The following LRP1B variants were observed in gnomAD, a reference collection of about 807,000 sequenced individuals.
LRP1B encodes the protein low-density lipoprotein receptor-related protein 1B.
Under a neutral mutation model 556.6 loss-of-function variants are expected in LRP1B, and 217 were observed. The ratio of observed to expected loss-of-function variants is 0.39; its 90% CI spans 0.35 to 0.44. The LOEUF (loss-of-function observed/expected upper bound fraction) is 0.44. Ranked by LOEUF, LRP1B falls within the 20% of genes least tolerant of loss-of-function variation. The probability of loss-of-function intolerance (pLI) is 1.00; values close to 1 mark genes in which losing one functional copy is unlikely to be tolerated. For synonymous variants in LRP1B, 2,047 were observed against 1,865.8 expected (o/e 1.10, Z -2.50); for missense variants, 5,053 against 5,620.8 (o/e 0.90, Z 3.23).
In LRP1B at chr2:140,700,607, C is replaced by T. The variant is rs1395134356; in HGVS notation, c.6442G>A (p.Ala2148Thr). ...TGCTTACAGCCACCATTGTCCCTGG[C>T]ACAAACATTGGTCCCTAATGAAGAA... ...RVREKGTNVC[A>T]RDNGGCKQLC... Residue 2148 changes from alanine to threonine, a missense_variant, in exon 41 of 91, where the codon GCC becomes ACC. Transcript: ENST00000389484. The T allele has an allele frequency of 3.1e-6, 5 of 1,613,458 alleles. No individual in the cohort carries two copies. Among genetic ancestry groups the T allele is most frequent in the Non-Finnish European group, 4.2e-6 (5 of 1,179,560 alleles).
chr2:142,018,932 G>A lies in LRP1B; in HGVS notation c.82+111716C>T, dbSNP rs140032774. ...TAAAGATCTTGAATTTAATTAAAAC[G>A]CACAGTAAAATTCAAATTAAGTTAT... is the stretch of plus-strand genomic sequence containing the variant. On this transcript the variant is annotated intron_variant, in intron 1 of 90. Coordinates refer to ENST00000389484, the MANE Select transcript of LRP1B (RefSeq NM_018557.3). 6.2e-3 allele frequency among the ~76,000 whole-genome samples: 944 copies of A among 151,982 alleles called. 7 individuals carry two copies. Among genetic ancestry groups the A allele is most frequent in the African/African-American group, 0.021 (855 of 41,472 alleles).
intron 41 of LRP1B, among the ~76,000 whole-genome samples, chr2:140,636,050 T>C (rs1343850268): frequency 3.3e-5 from 5 of 152,142 alleles, no homozygotes; most frequent in Admixed American, 1.3e-4. Flanking sequence ...CACAGACCCA[T>C]TGTCAGAAGC....
chr2:141,294,972 CCA>C (rs1241931260), intron 3 of LRP1B, among the ~76,000 whole-genome samples: 1 of 151,856 alleles, frequency 6.6e-6, no homozygotes, highest in Non-Finnish European at 1.5e-5. Flanking sequence ...TAAGTGATTT[CCA>C]CACTTTTCTA....
intron 2 of LRP1B, among the ~76,000 whole-genome samples, chr2:141,575,531 A>G (rs1316242477): frequency 6.6e-6 from 1 of 152,346 alleles, no homozygotes; most frequent in South Asian, 2.1e-4. Context: ...CATTCAGGAC[A>G]CAGGCATGGG....
At chr2:141,407,000 A>G (rs1026982978) in intron 3 of LRP1B, among the ~76,000 whole-genome samples, 2 of 152,134 alleles carry the variant, frequency 1.3e-5, no homozygotes, top group Non-Finnish European at 2.9e-5. Flanking sequence ...AATCTTTTTC[A>G]AAAAGGATCA....
chr2:141,431,142 A>AAAATAAATAAATAACTAAAT (rs1553514225), intron 3 of LRP1B, among the ~76,000 whole-genome samples: 1 of 148,180 alleles, frequency 6.7e-6, no homozygotes, highest in East Asian at 2.0e-4. Flanking sequence ...TCAAAAAATC[A>AAAATAAATAAATAACTAAAT]AAATAAATAA....
At chr2:141,242,490 G>A (rs762239325) in intron 5 of LRP1B, among the ~76,000 whole-genome samples, 1 of 151,884 alleles carries the variant, frequency 6.6e-6, no homozygotes, top group Non-Finnish European at 1.5e-5. Context: ...ATTATACAGG[G>A]ACTACAATTC....
intron 11 of LRP1B, among the ~76,000 whole-genome samples, chr2:141,026,895 T>C (rs1698232450): frequency 6.6e-6 from 1 of 152,058 alleles, no homozygotes; most frequent in African/African-American, 2.4e-5. Context: ...CTACAAATAA[T>C]GAAACAAAGA....
At chr2:140,538,036 A>T (rs1289475992) in intron 45 of LRP1B, among the ~76,000 whole-genome samples, 1 of 152,096 alleles carries the variant, frequency 6.6e-6, no homozygotes, top group Admixed American at 6.6e-5. Flanking sequence ...GAATTCATTC[A>T]TCTCTGCTAA....
rs148439887 is a variant in LRP1B at position 140,448,639 on chromosome 2, C to T, written c.10057+1929G>A. On this transcript the variant is annotated intron_variant, in intron 63 of 90. Transcript: ENST00000389484. ...TTAGGAAGACATTGTTCAAAAGACA[C>T]AAAATTTCAGTTAGGGATGGAAAAA... Among the ~76,000 whole-genome samples, 372 of 152,090 alleles carry T rather than the reference C, an allele frequency of 2.4e-3. 2 individuals carry two copies. Among genetic ancestry groups the T allele is most frequent in the African/African-American group, 8.5e-3 (354 of 41,520 alleles).
At chr2:140,798,508 G>A (rs1204761552) in intron 32 of LRP1B, among the ~76,000 whole-genome samples, 4 of 151,996 alleles carry the variant, frequency 2.6e-5, no homozygotes, top group Non-Finnish European at 5.9e-5. Flanking sequence ...TTGTAATGAT[G>A]GGCCCAGAGT....
intron 2 of LRP1B, among the ~76,000 whole-genome samples, chr2:141,759,149 C>T (rs1406964116): frequency 2.0e-5 from 3 of 151,980 alleles, no homozygotes; most frequent in Non-Finnish European, 4.4e-5. Context: ...AATCTATAGA[C>T]TATAGACTTT....
intron 32 of LRP1B, among the ~76,000 whole-genome samples, chr2:140,803,845 G>T (rs1430267355): frequency 2.7e-5 from 4 of 150,912 alleles, no homozygotes; most frequent in Non-Finnish European, 4.4e-5. Flanking sequence ...TCTCATAAAG[G>T]AAAGAAATAA....
intron 43 of LRP1B, among the ~76,000 whole-genome samples, chr2:140,572,709 G>C (rs1038925549): frequency 6.6e-6 from 1 of 151,110 alleles, no homozygotes; most frequent in African/African-American, 2.4e-5. Context: ...CACAATAGCC[G>C]AAATACAGAA....
intron 2 of LRP1B, among the ~76,000 whole-genome samples, chr2:141,733,626 A>G (rs1055110765): frequency 2.0e-5 from 3 of 152,082 alleles, no homozygotes; most frequent in African/African-American, 7.2e-5. Context: ...TGATCCATCT[A>G]TTGCTTACGT....
At chr2:141,323,389 A>T (rs1274125957) in intron 3 of LRP1B, among the ~76,000 whole-genome samples, 1 of 152,158 alleles carries the variant, frequency 6.6e-6, no homozygotes, top group East Asian at 1.9e-4. Context: ...TAATGATCCA[A>T]CGATCTACTT....
chr2:140,769,207 A>G lies in LRP1B; in HGVS notation c.5758+6T>C. On this transcript the variant is annotated splice_donor_region_variant and intron_variant, in intron 35 of 90. Coordinates refer to ENST00000389484, the MANE Select transcript of LRP1B (RefSeq NM_018557.3). ...ATGCATAAATTATGACTAAAAAGCTATTTACCTGCATGGAAATCTATTCCC... is the reference window on the plus strand; with the variant it reads ...ATGCATAAATTATGACTAAAAAGCTGTTTACCTGCATGGAAATCTATTCCC... 6.2e-7 allele frequency: 1 copy of G among 1,610,752 alleles called. No individual in the cohort carries two copies. The highest frequency in any genetic ancestry group is 1.1e-5 in the South Asian group (1 of 90,980).
At chr2:140,640,661 G>A (rs1449261497) in intron 41 of LRP1B, among the ~76,000 whole-genome samples, 2 of 151,908 alleles carry the variant, frequency 1.3e-5, no homozygotes, top group African/African-American at 2.4e-5. Context: ...GGGATTACAG[G>A]CGTGAGCCAC....
chr2:140,316,810 CACATAT>C (rs1192278510), intron 82 of LRP1B, among the ~76,000 whole-genome samples: 1 of 152,086 alleles, frequency 6.6e-6, no homozygotes, highest in Admixed American at 6.6e-5. Context: ...GTACCATACA[CACATAT>C]ACACAAATGA....
Sources: gnomAD v4.1 joint callset for allele counts (sites outside exome capture counted in the v4.1 genomes callset) on GRCh38, gnomAD v4.1.1 for gene constraint, MANE v1.5 for transcripts, NCBI Gene and HGNC (gene_info 2026-07-23, HGNC 2026-07-21) for gene names.